Variants in ANKS1B observed in about 807,000 individuals in gnomAD.
ANKS1B encodes ankyrin repeat and sterile alpha motif domain containing 1B.
In ANKS1B, 36 loss-of-function variants were observed where a neutral mutation model predicts 148.3. The ratio of observed to expected loss-of-function variants is 0.24; its 90% CI spans 0.19 to 0.32. The LOEUF (loss-of-function observed/expected upper bound fraction) is 0.32. Among genes scored for constraint, ANKS1B ranks in the 10% least tolerant of loss-of-function variants. The pLI is 1.00. For synonymous variants in ANKS1B, 542 were observed against 560.8 expected (o/e 0.97, Z 0.47); for missense variants, 1,157 against 1,542.6 (o/e 0.75, Z 4.19).
At chr12:99,210,546 C>T in intron 14 of ANKS1B, among the ~76,000 whole-genome samples, 1 of 152,172 alleles carries the variant, frequency 6.6e-6, no homozygotes. Flanking sequence ...ATCCCTAATG[C>T]AATTGCTGTT....
chr12:98,759,482 C>T (rs1356722832), intron 25 of ANKS1B, among the ~76,000 whole-genome samples: 7 of 152,142 alleles, frequency 4.6e-5, no homozygotes, highest in Non-Finnish European at 5.9e-5. Context: ...CGAGGCTATA[C>T]GCAGCATATT....
intron 9 of ANKS1B, chr12:99,647,834 G>C: frequency 7.0e-6 from 2 of 284,178 alleles, no homozygotes; most frequent in Non-Finnish European, 1.3e-5. Context: ...AGGCTGTTGT[G>C]AAGTGGAATA....
chr12:99,151,045 T>G (rs2153817691), intron 15 of ANKS1B, among the ~76,000 whole-genome samples: 1 of 152,284 alleles, frequency 6.6e-6, no homozygotes, highest in Non-Finnish European at 1.5e-5. Flanking sequence ...ATTTTACATT[T>G]TTAAGGGCAC....
chr12:99,365,032 G>A (rs1227687127), intron 12 of ANKS1B, among the ~76,000 whole-genome samples: 1 of 152,170 alleles, frequency 6.6e-6, no homozygotes, highest in Non-Finnish European at 1.5e-5. Flanking sequence ...GCCATGCTGA[G>A]CAACAATCTA....
chr12:99,433,359 T>C (rs534257828), intron 11 of ANKS1B, among the ~76,000 whole-genome samples: 2 of 152,312 alleles, frequency 1.3e-5, no homozygotes, highest in Non-Finnish European at 2.9e-5. Context: ...ACTTACCATA[T>C]AGCTTCTGGA....
chr12:99,731,413 C>CGTGTGTGTGTGTGTGT lies in ANKS1B; in HGVS notation c.1128+41493_1128+41508dup, dbSNP rs71088145. ...GGATTATAGGCGTGAACCACCGTGCCGTGTGTGTGTGTGTGTGTGTGTGTG... is the reference window on the plus strand; with the variant it reads ...GGATTATAGGCGTGAACCACCGTGCCGTGTGTGTGTGTGTGTGTGTGTGTGTGTGTGTGTGTGTGTG... On this transcript the variant is annotated intron_variant, in intron 8 of 26. Coordinates refer to ENST00000683438, the MANE Select transcript of ANKS1B (RefSeq NM_001352186.2). 2.2e-4 allele frequency among the ~76,000 whole-genome samples: 32 copies of CGTGTGTGTGTGTGTGT among 143,720 alleles called. 1 individual carries two copies. Among genetic ancestry groups the CGTGTGTGTGTGTGTGT allele is most frequent in the Admixed American group, 4.2e-4 (6 of 14,444 alleles). 94.3% of individuals were successfully genotyped at this position (143,720 alleles called of 152,430 possible).
chr12:99,405,341 TAGAC>T (rs145608722), intron 11 of ANKS1B, among the ~76,000 whole-genome samples: 2,862 of 145,430 alleles, frequency 0.02, 477 homozygotes, highest in African/African-American at 0.068. Flanking sequence ...TTTCAAGACA[TAGAC>T]AGTACAATAA....
intron 14 of ANKS1B, among the ~76,000 whole-genome samples, chr12:99,168,522 A>G: frequency 6.6e-6 from 1 of 151,166 alleles, no homozygotes; most frequent in South Asian, 2.1e-4. Context: ...TCCATCTCAA[A>G]AAAAAAAAAA....
At position 98,812,642 on chromosome 12, in the gene ANKS1B, C is replaced by T. The variant is rs768957621; in HGVS notation, c.3067-4724G>A. Among the ~76,000 whole-genome samples, 7 of 152,068 alleles carry T rather than the reference C, an allele frequency of 4.6e-5. No homozygotes were observed. In the South Asian group the frequency reaches 1.0e-3, roughly 23 times the overall value. ...AGGCTAGAGTGCAGGGGTGCGATCT[C>T]GGCTCGCTGCAACCTCCGCTTCCTG... On this transcript the variant is annotated intron_variant, in intron 19 of 26. Coordinates refer to ENST00000683438, the MANE Select transcript of ANKS1B (RefSeq NM_001352186.2).
chr12:99,642,368 T>G (rs1269347934), intron 9 of ANKS1B, among the ~76,000 whole-genome samples: 1 of 152,200 alleles, frequency 6.6e-6, no homozygotes, highest in Non-Finnish European at 1.5e-5. Flanking sequence ...TGTATCTGTT[T>G]CTTACAGCCA....
chr12:99,169,286 C>A (rs950884603), intron 14 of ANKS1B, among the ~76,000 whole-genome samples: 1 of 152,142 alleles, frequency 6.6e-6, no homozygotes, highest in African/African-American at 2.4e-5. Context: ...TTAGCAAAAA[C>A]ACTACCTGAT....
chr12:99,813,412 A>G (rs2068678947), intron 2 of ANKS1B, among the ~76,000 whole-genome samples: 1 of 151,194 alleles, frequency 6.6e-6, no homozygotes, highest in Non-Finnish European at 1.5e-5. Flanking sequence ...AATATATAAT[A>G]AAGTTGTTTC....
chr12:99,793,547 A>G (rs2065907874), intron 4 of ANKS1B, among the ~76,000 whole-genome samples: 1 of 152,128 alleles, frequency 6.6e-6, no homozygotes, highest in Non-Finnish European at 1.5e-5. Flanking sequence ...ATTTTCGACA[A>G]AAGAGCCAAG....
chr12:99,521,942 G>A (rs953669782), intron 9 of ANKS1B, among the ~76,000 whole-genome samples: 2 of 152,218 alleles, frequency 1.3e-5, no homozygotes, highest in African/African-American at 4.8e-5. Flanking sequence ...AGCAAAGCCA[G>A]CCAGGTCTGT....
chr12:99,621,942 C>G (rs1256119527), intron 9 of ANKS1B, among the ~76,000 whole-genome samples: 2 of 152,014 alleles, frequency 1.3e-5, no homozygotes, highest in African/African-American at 4.8e-5. Context: ...CCATGAACCA[C>G]AGAATATACA....
intron 12 of ANKS1B, among the ~76,000 whole-genome samples, chr12:99,383,391 A>C (rs980874862): frequency 2.0e-5 from 3 of 152,166 alleles, no homozygotes; most frequent in Admixed American, 6.5e-5. Flanking sequence ...AGACTCTTTA[A>C]AATGGCTTAT....
At chr12:99,214,706 T>C (rs1486569190) in intron 14 of ANKS1B, among the ~76,000 whole-genome samples, 9 of 152,250 alleles carry the variant, frequency 5.9e-5, no homozygotes, top group African/African-American at 1.7e-4. Context: ...GGTACTGCTA[T>C]TAAGACACCT....
chr12:99,829,321 C>T (rs982975770), intron 1 of ANKS1B, among the ~76,000 whole-genome samples: 29 of 151,774 alleles, frequency 1.9e-4, no homozygotes, highest in Middle Eastern at 3.4e-3. Context: ...TTGAGACAAG[C>T]CTGGCCGACA....
intron 14 of ANKS1B, among the ~76,000 whole-genome samples, chr12:99,242,179 A>C (rs940065446): frequency 1.3e-5 from 2 of 152,230 alleles, no homozygotes; most frequent in Admixed American, 1.3e-4. Flanking sequence ...TAAGCTGATA[A>C]GCAACTTCAG....
Sources: allele counts gnomAD v4.1 joint callset (sites outside exome capture counted in the v4.1 genomes callset), GRCh38; gene constraint gnomAD v4.1.1; transcripts MANE v1.5; gene names NCBI Gene and HGNC (gene_info 2026-07-23, HGNC 2026-07-21).